The following CRADD variants were observed in gnomAD, a reference collection of about 807,000 sequenced individuals.
CRADD encodes the protein CARD and death domain containing adaptor protein, also known as death domain-containing protein CRADD.
A neutral mutation model predicts 15.5 loss-of-function variants in CRADD; 9 were observed. The ratio of observed to expected loss-of-function variants is 0.58; its 90% CI spans 0.35 to 1.01. CRADD has a LOEUF of 1.01. CRADD is among the 50% of genes least tolerant of loss of function. CRADD has a pLI of 0.02. For synonymous variants in CRADD, 118 were observed against 107.6 expected, an observed-to-expected ratio of 1.10 and a Z score of -0.60; for missense variants, 227 against 250.3, an observed-to-expected ratio of 0.91 and a Z score of 0.63.
intron 2 of CRADD, among the ~76,000 whole-genome samples, chr12:93,750,813 T>C (rs2136939128): frequency 6.6e-6 from 1 of 152,344 alleles, no homozygotes. Context: ...AATTATATCA[T>C]ACCATGTAAC....
Position 93,709,714 on chromosome 12 carries a change from C to T in CRADD, c.298+30642C>T, listed in dbSNP as rs536044974. Among the ~76,000 whole-genome samples, 22 of 152,224 alleles carry T rather than the reference C, an allele frequency of 1.4e-4. No individual in the cohort carries two copies. In the South Asian group the frequency reaches 2.9e-3, roughly 20 times the overall value. On this transcript the variant is annotated intron_variant, in intron 2 of 2. Transcript: ENST00000332896. ...GTCTTTGCTGTTGTGAATAGTGCTT[C>T]GGTGAACATTCATGTGTGTGTGTCT...
chr12:93,709,642 T>G (rs1375300588), intron 2 of CRADD, among the ~76,000 whole-genome samples: 1 of 152,244 alleles, frequency 6.6e-6, no homozygotes, highest in Non-Finnish European at 1.5e-5. Context: ...ATGTACCACA[T>G]TTTTTAAATC....
intron 2 of CRADD, among the ~76,000 whole-genome samples, chr12:93,814,966 G>A (rs1957675859): frequency 1.3e-5 from 2 of 152,174 alleles, no homozygotes; most frequent in Non-Finnish European, 2.9e-5. Context: ...CTCTGCAGAG[G>A]TTGGAATCAC....
chr12:93,690,875 C>G (rs1955547687), intron 2 of CRADD, among the ~76,000 whole-genome samples: 1 of 152,182 alleles, frequency 6.6e-6, no homozygotes, highest in Non-Finnish European at 1.5e-5. Flanking sequence ...TTTTCTGACC[C>G]TTGCTTGCCT....
chr12:93,808,834 T>C (rs1410049484), intron 2 of CRADD, among the ~76,000 whole-genome samples: 1 of 151,710 alleles, frequency 6.6e-6, no homozygotes, highest in Non-Finnish European at 1.5e-5. Context: ...TCGGGGAAAG[T>C]AGACCACAGT....
intron 2 of CRADD, among the ~76,000 whole-genome samples, chr12:93,864,857 C>T (rs1360526456): frequency 6.6e-6 from 1 of 152,188 alleles, no homozygotes; most frequent in Non-Finnish European, 1.5e-5. Flanking sequence ...GCTTCACTCT[C>T]CTTACCTCTG....
Position 93,751,974 on chromosome 12 carries a change from A to G in CRADD, c.298+72902A>G, listed in dbSNP as rs369273742. 9.7e-4 allele frequency among the ~76,000 whole-genome samples: 148 copies of G among 152,300 alleles called. 1 individual carries two copies. In the South Asian group the frequency reaches 0.031, roughly 31 times the overall value. On this transcript the variant is annotated intron_variant, in intron 2 of 2. Coordinates refer to ENST00000332896, the MANE Select transcript of CRADD (RefSeq NM_003805.5). Reference sequence around the variant, plus strand: ...CTCAACTGCCAGCCTCATTTTTCATACTGTAGTTACTTAAGGGTGGAGGTA... The same window carrying G: ...CTCAACTGCCAGCCTCATTTTTCATGCTGTAGTTACTTAAGGGTGGAGGTA...
intron 2 of CRADD, among the ~76,000 whole-genome samples, chr12:93,868,713 C>A (rs561406619): frequency 6.6e-6 from 1 of 151,782 alleles, no homozygotes; most frequent in East Asian, 1.9e-4. Flanking sequence ...CACACACACA[C>A]AAGAAGGACC....
At chr12:93,846,985 C>A (rs1958129845) in intron 2 of CRADD, among the ~76,000 whole-genome samples, 1 of 152,168 alleles carries the variant, frequency 6.6e-6, no homozygotes, top group African/African-American at 2.4e-5. Context: ...CACCTGTAGT[C>A]CCAGCTGCTC....
chr12:93,803,022 C>T (rs1414340626), intron 2 of CRADD, among the ~76,000 whole-genome samples: 2 of 152,160 alleles, frequency 1.3e-5, no homozygotes, highest in Non-Finnish European at 2.9e-5. Flanking sequence ...TCAGAGCCAT[C>T]AATGATAATT....
At chr12:93,749,255 G>A (rs1307866310) in intron 2 of CRADD, among the ~76,000 whole-genome samples, 2 of 152,212 alleles carry the variant, frequency 1.3e-5, no homozygotes, top group African/African-American at 4.8e-5. Context: ...AGGCCAGCAA[G>A]TTCAAAGGGC....
intron 2 of CRADD, among the ~76,000 whole-genome samples, chr12:93,830,887 A>G (rs1253768191): frequency 6.6e-6 from 1 of 152,196 alleles, no homozygotes; most frequent in Non-Finnish European, 1.5e-5. Flanking sequence ...AAATAGCTAA[A>G]TTTGCCCATT....
At chr12:93,806,387 G>A (rs1957537662) in intron 2 of CRADD, among the ~76,000 whole-genome samples, 6 of 145,312 alleles carry the variant, frequency 4.1e-5, no homozygotes, top group African/African-American at 1.5e-4. Flanking sequence ...GGGAGGCAGA[G>A]GTTGCAGTGA....
At chr12:93,878,901 G>T (rs1382614269) in intron 2 of CRADD, among the ~76,000 whole-genome samples, 1 of 151,980 alleles carries the variant, frequency 6.6e-6, no homozygotes, top group Non-Finnish European at 1.5e-5. Context: ...TGATGAAAGT[G>T]TTTTTTTTCT....
At chr12:93,778,473 C>G (rs1019651130) in intron 2 of CRADD, among the ~76,000 whole-genome samples, 8 of 152,158 alleles carry the variant, frequency 5.3e-5, no homozygotes, top group African/African-American at 1.9e-4. Context: ...CTAAGCTTAG[C>G]CATACTTATT....
rs72624249 is a variant in CRADD at position 93,695,626 on chromosome 12, A to C, written c.298+16554A>C. Reference sequence around the variant, plus strand: ...CAACCCAATTAAAAAATGGGCGGCCAGCGCAGTGGTTCATGCGTGTAATCC... The same window carrying C: ...CAACCCAATTAAAAAATGGGCGGCCCGCGCAGTGGTTCATGCGTGTAATCC... On this transcript the variant is annotated intron_variant, in intron 2 of 2. Coordinates refer to ENST00000332896, the MANE Select transcript of CRADD (RefSeq NM_003805.5). Among the ~76,000 whole-genome samples the C allele has an allele frequency of 3.3e-3, 500 of 152,320 alleles. 25 individuals carry two copies. The East Asian group carries it at 0.087, about 27-fold the overall frequency.
chr12:93,836,151 G>A (rs539570179), intron 2 of CRADD: 3 of 152,274 alleles, frequency 2.0e-5, no homozygotes, highest in African/African-American at 7.2e-5. Flanking sequence ...GTCGCTTCAT[G>A]TAGCAGTTAC....
intron 2 of CRADD, among the ~76,000 whole-genome samples, chr12:93,710,905 C>T (rs1302532177): frequency 6.6e-6 from 1 of 151,904 alleles, no homozygotes; most frequent in African/African-American, 2.4e-5. Flanking sequence ...TAGTGAAGTC[C>T]AAGGCCTTTG....
intron 2 of CRADD, among the ~76,000 whole-genome samples, chr12:93,753,476 CAA>C (rs1592961590): frequency 1.3e-5 from 2 of 152,172 alleles, no homozygotes; most frequent in African/African-American, 4.8e-5. Flanking sequence ...GTCCACAGTC[CAA>C]AGTCTCATCT....
Sources: allele counts gnomAD v4.1 joint callset (sites outside exome capture counted in the v4.1 genomes callset), GRCh38; gene constraint gnomAD v4.1.1; transcripts MANE v1.5; gene names NCBI Gene and HGNC (gene_info 2026-07-23, HGNC 2026-07-21).